Variants in ANXA4 observed in about 807,000 individuals in gnomAD.
ANXA4 encodes the protein annexin A4.
Under a neutral mutation model 49.8 loss-of-function variants are expected in ANXA4, and 39 were observed. The observed-to-expected ratio is 0.78, with a 90% CI of 0.61 to 1.02. The LOEUF (loss-of-function observed/expected upper bound fraction) is 1.02. Among genes scored for constraint, ANXA4 ranks in the 50% least tolerant of loss-of-function variants. The pLI, the probability that ANXA4 is intolerant of heterozygous loss-of-function variation, is 0.00. For synonymous variants in ANXA4, 134 were observed against 152.5 expected, an observed-to-expected ratio of 0.88 and a Z score of 0.89; for missense variants, 360 against 410.1, an observed-to-expected ratio of 0.88 and a Z score of 1.05.
At chr2:69,663,776 A>G (rs1676827398) in intron 2 of ANXA4, among the ~76,000 whole-genome samples, 1 of 152,238 alleles carries the variant, frequency 6.6e-6, no homozygotes, top group Non-Finnish European at 1.5e-5. Flanking sequence ...TGTTAAGAAG[A>G]TAAAGTTAGA....
intron 2 of ANXA4, among the ~76,000 whole-genome samples, chr2:69,711,048 G>A (rs1245708606): frequency 1.3e-5 from 2 of 152,010 alleles, no homozygotes; most frequent in South Asian, 2.1e-4. Context: ...AGCCCAAACT[G>A]GCCAGGCGTG....
At chr2:69,663,971 G>A (rs952846841) in intron 2 of ANXA4, among the ~76,000 whole-genome samples, 1 of 152,112 alleles carries the variant, frequency 6.6e-6, no homozygotes. Flanking sequence ...ACAGTGCAAT[G>A]GACAAAACCA....
chr2:69,818,822 A>G, intron 10 of ANXA4, 128 bp downstream of exon 10: 2 of 608,002 alleles, frequency 3.3e-6, no homozygotes, highest in Non-Finnish European at 5.8e-6. Flanking sequence ...CTCATGTTAC[A>G]TTCCAGATTT....
At chr2:69,760,068 G>A (rs1409116947) in intron 1 of ANXA4, among the ~76,000 whole-genome samples, 3 of 152,176 alleles carry the variant, frequency 2.0e-5, no homozygotes, top group East Asian at 1.9e-4. Context: ...TCCTGACCTC[G>A]TGATCCACCC....
Position 69,774,336 on chromosome 2 carries a change from C to G in ANXA4, c.-46-7184C>G, listed in dbSNP as rs1309269717. The stretch of plus-strand genomic sequence containing the variant: ...TGTTTATGTAAAAGGAGCCCCCCCC[C>G]CCCCTTTTTTTTTTTTTTTGAGACA... On this transcript the variant is annotated intron_variant, in intron 1 of 12. Coordinates refer to ENST00000394295, the MANE Select transcript of ANXA4 (RefSeq NM_001153.5). Among the ~76,000 whole-genome samples, 17 of 123,814 alleles carry G rather than the reference C, an allele frequency of 1.4e-4. 1 individual carries two copies. Among genetic ancestry groups the G allele is most frequent in the African/African-American group, 3.6e-4 (12 of 33,176 alleles). 81.2% of individuals were successfully genotyped at this position (123,814 alleles called of 152,430 possible).
intron 2 of ANXA4, among the ~76,000 whole-genome samples, chr2:69,681,863 G>T (rs1208332830): frequency 1.3e-5 from 2 of 151,196 alleles, no homozygotes; most frequent in Non-Finnish European, 2.9e-5. Flanking sequence ...TTGAGTCAGG[G>T]TCTTGCTCTG....
chr2:69,810,624 G>T lies in ANXA4; in HGVS notation c.428G>T (p.Arg143Leu). The change falls in exon 7 of 13, where the codon CGC (arginine) becomes CTC (leucine). Residue 143 changes from arginine (R) to leucine (L), a missense_variant. Arg to Leu is a moderately radical substitution (Grantham distance 102, BLOSUM62 -2). Transcript: ENST00000394295. ...GGACGGAGCCTTGAAGATGACATTC[G>T]CTCTGACACATCGTTCATGTTCCAG... ...QYGRSLEDDI[R>L]SDTSFMFQRV... The T allele has an allele frequency of 6.2e-7, 1 of 1,614,048 alleles. No individual in the cohort carries two copies.
At chr2:69,781,066 C>G (rs1443136170) in intron 1 of ANXA4, 2 of 153,776 alleles carry the variant, frequency 1.3e-5, no homozygotes, top group African/African-American at 4.8e-5. Flanking sequence ...GCCGGCCTGT[C>G]ATTACACACA....
intron 1 of ANXA4, among the ~76,000 whole-genome samples, chr2:69,752,617 T>C (rs1385262182): frequency 2.0e-5 from 3 of 152,196 alleles, no homozygotes; most frequent in Admixed American, 1.3e-4. Context: ...GTTCACACCT[T>C]ATTATATCTG....
intron 2 of ANXA4, among the ~76,000 whole-genome samples, chr2:69,717,390 T>G (rs984515544): frequency 6.6e-6 from 1 of 152,148 alleles, no homozygotes; most frequent in African/African-American, 2.4e-5. Context: ...AAGCCCATCC[T>G]GGCGCCCACC....
intron 1 of ANXA4, among the ~76,000 whole-genome samples, chr2:69,769,807 C>T (rs1239474953): frequency 2.6e-5 from 4 of 152,104 alleles, no homozygotes; most frequent in Admixed American, 2.0e-4. Flanking sequence ...GGATTACAGG[C>T]ACGTGCCACC....
intron 3 of ANXA4, among the ~76,000 whole-genome samples, chr2:69,799,403 T>A (rs1010053456): frequency 1.2e-4 from 18 of 152,202 alleles, no homozygotes; most frequent in Non-Finnish European, 2.1e-4. Flanking sequence ...TTCCACCCCT[T>A]CTTCTGTGCT....
intron 5 of ANXA4, 72 bp from the exon 6 acceptor site, chr2:69,807,834 T>TATTC: frequency 8.2e-7 from 1 of 1,221,712 alleles, no homozygotes; most frequent in South Asian, 1.2e-5. Flanking sequence ...ATGACAGATG[T>TATTC]ATTCCTTCTG....
At chr2:69,801,122 C>A (rs916539522) in intron 3 of ANXA4, among the ~76,000 whole-genome samples, 4 of 152,270 alleles carry the variant, frequency 2.6e-5, no homozygotes, top group Non-Finnish European at 5.9e-5. Flanking sequence ...GGGTTTTCAG[C>A]CTGAGCTGTA....
At chr2:69,799,184 CTG>C (rs145569194) in intron 3 of ANXA4, among the ~76,000 whole-genome samples, 8,901 of 152,158 alleles carry the variant, frequency 0.058, 743 homozygotes, top group Admixed American at 0.21. Flanking sequence ...GACTCTTAGT[CTG>C]TGTTTCTTTG....
At chr2:69,655,581 G>C (rs1350242308) in intron 2 of ANXA4, among the ~76,000 whole-genome samples, 1 of 152,186 alleles carries the variant, frequency 6.6e-6, no homozygotes, top group Non-Finnish European at 1.5e-5. Context: ...CTGTTGGTGG[G>C]AGTGTTAATT....
chr2:69,770,240 A>T, intron 1 of ANXA4, among the ~76,000 whole-genome samples: 1 of 152,206 alleles, frequency 6.6e-6, no homozygotes, highest in Non-Finnish European at 1.5e-5. Flanking sequence ...CTTTACTTTT[A>T]GAAGGATCTA....
At chr2:69,657,203 C>T (rs1301313811) in intron 2 of ANXA4, among the ~76,000 whole-genome samples, 3 of 151,984 alleles carry the variant, frequency 2.0e-5, no homozygotes, top group Admixed American at 6.6e-5. Context: ...CTGTTTTGGC[C>T]AGGCTGGTCT....
intron 2 of ANXA4, among the ~76,000 whole-genome samples, chr2:69,653,443 C>T (rs1031531675): frequency 2.6e-5 from 4 of 152,194 alleles, no homozygotes; most frequent in Non-Finnish European, 4.4e-5. Flanking sequence ...ATATACTCAC[C>T]TCATCCTTAG....
Sources: gnomAD v4.1 joint callset for allele counts (sites outside exome capture counted in the v4.1 genomes callset) on GRCh38, gnomAD v4.1.1 for gene constraint, MANE v1.5 for transcripts, NCBI Gene and HGNC (gene_info 2026-07-23, HGNC 2026-07-21) for gene names.